Variants in NUP160 observed in about 807,000 individuals in gnomAD.
The protein encoded by NUP160 is nuclear pore complex protein Nup160.
A neutral mutation model predicts 196.9 loss-of-function variants in NUP160; 94 were observed. The observed-to-expected ratio is 0.48, with a 90% CI of 0.40 to 0.57. The LOEUF (loss-of-function observed/expected upper bound fraction) is 0.57. Ranked by LOEUF, NUP160 falls within the 20% of genes least tolerant of loss-of-function variation. NUP160 has a pLI of 0.00. For synonymous variants in NUP160, 605 were observed against 619.7 expected, an observed-to-expected ratio of 0.98 and a Z score of 0.35; for missense variants, 1,638 against 1,748.3, an observed-to-expected ratio of 0.94 and a Z score of 1.13.
chr11:47,837,124 A>G (rs1852192477), intron 5 of NUP160, 123 bp from the exon 6 acceptor site: 1 of 560,664 alleles, frequency 1.8e-6, no homozygotes, highest in Non-Finnish European at 3.2e-6. Context: ...CCAAGAGCTT[A>G]TATGCTGGTA....
Position 47,791,349 on chromosome 11 carries a change from A to G in NUP160, c.3511+581T>C, listed in dbSNP as rs544568527. Among the ~76,000 whole-genome samples the G allele has an allele frequency of 6.6e-5, 10 of 151,846 alleles. No individual in the cohort carries two copies. The South Asian group carries it at 1.9e-3, about 28-fold the overall frequency. ...CTTCGTATGGGTCCCACTAAACATT[A>G]TTTTTTTTGAGGCGGAGTCTTACTC... On this transcript the variant is annotated intron_variant, in intron 29 of 35. Coordinates refer to ENST00000378460, the Ensembl canonical transcript of NUP160.
intron 33 of NUP160, 99 bp downstream of exon 33, chr11:47,784,823 T>A: frequency 1.1e-6 from 1 of 928,600 alleles, no homozygotes; most frequent in African/African-American, 1.7e-5. Context: ...ATGACAGGTA[T>A]GAGCCACTGC....
At chr11:47,799,272 G>C (rs2097672746) in intron 23 of NUP160, among the ~76,000 whole-genome samples, 1 of 152,010 alleles carries the variant, frequency 6.6e-6, no homozygotes, top group African/African-American at 2.4e-5. Flanking sequence ...TTTTAGTAGA[G>C]ATGGGGTTTC....
intron 2 of NUP160, among the ~76,000 whole-genome samples, chr11:47,843,353 G>C (rs570623281): frequency 2.6e-5 from 4 of 152,154 alleles, no homozygotes; most frequent in Admixed American, 6.5e-5. Flanking sequence ...TTCTCATCTT[G>C]CCTGGCTTAA....
chr11:47,794,391 C>T (rs1424010007), intron 27 of NUP160, among the ~76,000 whole-genome samples: 10 of 152,096 alleles, frequency 6.6e-5, no homozygotes, highest in Non-Finnish European at 4.4e-5. Flanking sequence ...AGGAGAATGG[C>T]GTGAACCCGG....
At position 47,847,517 on chromosome 11, in the gene NUP160, A is replaced by C. The variant is rs188751860; in HGVS notation, c.314+331T>G. Among the ~76,000 whole-genome samples the C allele has an allele frequency of 1.2e-3, 177 of 152,168 alleles. 1 individual carries two copies. Among genetic ancestry groups the C allele is most frequent in the Middle Eastern group, 6.8e-3 (2 of 294 alleles). ...CATATTGAAGCTCGAACGTATTTGT[A>C]CAATGAAGGAAGCTGTAAAGCACTA... On this transcript the variant is annotated intron_variant, in intron 2 of 35. Coordinates refer to ENST00000378460, the Ensembl canonical transcript of NUP160.
chr11:47,784,780 C>A, intron 33 of NUP160, 142 bp downstream of exon 33: 1 of 515,826 alleles, frequency 1.9e-6, no homozygotes, highest in Non-Finnish European at 3.2e-6. Context: ...GGGCTCAAGC[C>A]ATCCTCCCCT....
At chr11:47,808,305 C>T in intron 18 of NUP160, 91 bp downstream of exon 18, 1 of 1,290,400 alleles carries the variant, frequency 7.7e-7, no homozygotes, top group Non-Finnish European at 1.1e-6. Context: ...AAAACAAAAA[C>T]AAAACACTAA....
chr11:47,789,683 T>C (rs534581258), intron 29 of NUP160, among the ~76,000 whole-genome samples: 6 of 151,768 alleles, frequency 4.0e-5, no homozygotes, highest in African/African-American at 1.4e-4. Context: ...ATATATAATA[T>C]ATAGTATATA....
At chr11:47,806,846 C>T (rs1325134333) in intron 19 of NUP160, among the ~76,000 whole-genome samples, 29 of 107,162 alleles carry the variant, frequency 2.7e-4, no homozygotes, top group African/African-American at 9.2e-4. Flanking sequence ...CACACACACA[C>T]ACACACATAT....
At chr11:47,829,466 C>T (rs1193436280) in intron 7 of NUP160, among the ~76,000 whole-genome samples, 6 of 152,170 alleles carry the variant, frequency 3.9e-5, no homozygotes, top group East Asian at 1.9e-4. Context: ...CCACCATGCC[C>T]GGCTAATTTT....
Position 47,840,141 on chromosome 11 carries a change from A to G in NUP160, c.526-76T>C, listed in dbSNP as rs890295541. 50 of 1,107,804 alleles carry G rather than the reference A, an allele frequency of 4.5e-5. No individual in the cohort carries two copies. The Middle Eastern group carries it at 6.1e-4, about 14-fold the overall frequency. 68.6% of individuals were successfully genotyped at this position (1,107,804 alleles called of 1,614,324 possible). A position where few individuals can be genotyped will look rare whatever the true frequency, so the allele number is the denominator to read the frequency against. ...TTGCTCAGTTCCTCTCTATTGCTAA[A>G]AAAGTTTTTAAAGTAAAAAACTGTC... On this transcript the variant is annotated intron_variant, in intron 3 of 35. Coordinates refer to ENST00000378460, the Ensembl canonical transcript of NUP160.
intron 35 of NUP160, among the ~76,000 whole-genome samples, chr11:47,779,784 G>C (rs1333863359): frequency 6.6e-6 from 1 of 152,120 alleles, no homozygotes; most frequent in African/African-American, 2.4e-5. Flanking sequence ...ATGGAGTGCG[G>C]TGGTGCAATC....
chr11:47,820,473 A>G (rs1413772494), intron 9 of NUP160, among the ~76,000 whole-genome samples: 1 of 152,188 alleles, frequency 6.6e-6, no homozygotes, highest in Non-Finnish European at 1.5e-5. Flanking sequence ...CTGAACTCTG[A>G]GGCTCAAGCA....
chr11:47,812,156 A>G, exon 17 of NUP160: 2 of 1,614,198 alleles, frequency 1.2e-6, no homozygotes, highest in South Asian at 1.1e-5. Context: ...ACCCCTCTGC[A>G]CACAATATAC....
intron 23 of NUP160, among the ~76,000 whole-genome samples, chr11:47,800,385 G>A (rs2097673530): frequency 1.3e-5 from 2 of 151,850 alleles, no homozygotes; most frequent in Non-Finnish European, 2.9e-5. Flanking sequence ...GGAAAGTAGA[G>A]GGTTTTTTTC....
At chr11:47,796,459 G>A (rs879401185) in intron 27 of NUP160, 4 of 292,700 alleles carry the variant, frequency 1.4e-5, no homozygotes, top group Non-Finnish European at 2.5e-5. Context: ...CCTCCCAGAA[G>A]GACCAGCAAA....
At chr11:47,825,159 G>A (rs11039416) in intron 7 of NUP160, among the ~76,000 whole-genome samples, 41,924 of 151,918 alleles carry the variant, frequency 0.28, 6,785 homozygotes, top group Middle Eastern at 0.38. Context: ...TTGTAGGGAC[G>A]GAGTCTCACC....
chr11:47,804,517 T>C, intron 21 of NUP160, 32 bp downstream of exon 21: 1 of 1,384,094 alleles, frequency 7.2e-7, no homozygotes. Context: ...TTTACAAGAA[T>C]GTGTAGACAT....
Sources: allele counts gnomAD v4.1 joint callset (sites outside exome capture counted in the v4.1 genomes callset), GRCh38; gene constraint gnomAD v4.1.1; transcripts MANE v1.5; gene names NCBI Gene and HGNC (gene_info 2026-07-23, HGNC 2026-07-21).